MAGI2: variants seen among roughly 807,000 people sequenced by gnomAD.
The protein encoded by MAGI2 is membrane associated guanylate kinase, WW and PDZ domain containing 2, also known as membrane-associated guanylate kinase, WW and PDZ domain-containing protein 2.
Under a neutral mutation model 133.3 loss-of-function variants are expected in MAGI2, and 35 were observed. That is an observed-to-expected ratio of 0.26 (90% CI 0.20 to 0.35). The LOEUF is 0.35. Among genes scored for constraint, MAGI2 ranks in the 10% least tolerant of loss-of-function variants. MAGI2 has a pLI of 1.00. For missense variants in MAGI2, 1,636 were observed against 1,863.4 expected, an observed-to-expected ratio of 0.88 and a Z score of 2.25; for synonymous variants, 729 against 710.6, an observed-to-expected ratio of 1.03 and a Z score of -0.41.
intron 1 of MAGI2, among the ~76,000 whole-genome samples, chr7:79,200,892 GA>G (rs1828552393): frequency 6.6e-6 from 1 of 151,846 alleles, no homozygotes; most frequent in Non-Finnish European, 1.5e-5. Context: ...AGGCAAAATA[GA>G]AGGTGACCAA....
At chr7:79,433,676 G>A (rs748703776) in intron 1 of MAGI2, among the ~76,000 whole-genome samples, 8 of 152,100 alleles carry the variant, frequency 5.3e-5, no homozygotes, top group Non-Finnish European at 8.8e-5. Flanking sequence ...AGCTGGTATT[G>A]CTATTATTAG....
chr7:78,950,585 C>T (rs547460379), intron 2 of MAGI2, among the ~76,000 whole-genome samples: 3 of 152,220 alleles, frequency 2.0e-5, no homozygotes, highest in South Asian at 4.1e-4. Context: ...CTTGTAAATG[C>T]CTATATTTTT....
chr7:78,441,076 T>TCC (rs1787574953), intron 6 of MAGI2, among the ~76,000 whole-genome samples: 1 of 152,210 alleles, frequency 6.6e-6, no homozygotes, highest in Admixed American at 6.5e-5. Flanking sequence ...TACTTGTTAG[T>TCC]CCTCCTCCCC....
At chr7:78,125,258 G>C (rs1366333052) in intron 20 of MAGI2, among the ~76,000 whole-genome samples, 1 of 151,998 alleles carries the variant, frequency 6.6e-6, no homozygotes, top group Non-Finnish European at 1.5e-5. Flanking sequence ...CAAAAGACCA[G>C]TCAACACAAA....
intron 1 of MAGI2, among the ~76,000 whole-genome samples, chr7:79,028,235 G>GTATATATATATATATATATATA (rs1174096501): frequency 3.4e-5 from 1 of 29,322 alleles, no homozygotes; most frequent in Non-Finnish European, 7.8e-5. Flanking sequence ...ATATATGTAT[G>GTATATATATATATATATATATA]TATATATATA....
At chr7:78,844,321 T>A (rs1792399325) in intron 2 of MAGI2, among the ~76,000 whole-genome samples, 1 of 151,534 alleles carries the variant, frequency 6.6e-6, no homozygotes, top group Admixed American at 6.6e-5. Context: ...CCAAGAAAAA[T>A]AAAAACATAT....
At chr7:79,065,266 T>C (rs1438309178) in intron 1 of MAGI2, among the ~76,000 whole-genome samples, 1 of 152,116 alleles carries the variant, frequency 6.6e-6, no homozygotes, top group Non-Finnish European at 1.5e-5. Flanking sequence ...GGTATACACT[T>C]TGGAGACTGT....
chr7:79,373,389 C>G (rs1300147464), intron 1 of MAGI2, among the ~76,000 whole-genome samples: 1 of 151,836 alleles, frequency 6.6e-6, no homozygotes, highest in Non-Finnish European at 1.5e-5. Context: ...CTCTGTTTGA[C>G]CAATACAGTT....
At chr7:78,306,189 C>T (rs1798232206) in intron 9 of MAGI2, among the ~76,000 whole-genome samples, 1 of 152,124 alleles carries the variant, frequency 6.6e-6, no homozygotes, top group African/African-American at 2.4e-5. Flanking sequence ...AATTGAAAGG[C>T]TAATTGGCAG....
intron 5 of MAGI2, among the ~76,000 whole-genome samples, chr7:78,490,922 GA>G (rs1379435340): frequency 1.3e-5 from 2 of 152,102 alleles, no homozygotes; most frequent in Non-Finnish European, 2.9e-5. Context: ...GGAACAGTCA[GA>G]AGGCCAATGA....
chr7:78,173,603 A>C (rs1298931404), intron 14 of MAGI2, among the ~76,000 whole-genome samples: 2 of 152,200 alleles, frequency 1.3e-5, no homozygotes, highest in African/African-American at 4.8e-5. Context: ...TTATAGTTTA[A>C]TGTTATTTGT....
chr7:78,614,715 A>G (rs1806881517), intron 3 of MAGI2: 1 of 152,178 alleles, frequency 6.6e-6, no homozygotes, highest in African/African-American at 2.4e-5. Flanking sequence ...ATTTGAATAT[A>G]TATAATAAAT....
intron 1 of MAGI2, among the ~76,000 whole-genome samples, chr7:79,087,719 G>T (rs1816654700): frequency 6.6e-6 from 1 of 152,054 alleles, no homozygotes; most frequent in South Asian, 2.1e-4. Flanking sequence ...CAAACAGCTA[G>T]CCAGTTTTCC....
At chr7:78,769,211 C>A (rs549983715) in intron 2 of MAGI2, among the ~76,000 whole-genome samples, 1 of 152,008 alleles carries the variant, frequency 6.6e-6, no homozygotes, top group Non-Finnish European at 1.5e-5. Context: ...TGATAAGATA[C>A]AAAAACACAG....
At chr7:79,223,390 T>C (rs932353403) in intron 1 of MAGI2, among the ~76,000 whole-genome samples, 1 of 152,068 alleles carries the variant, frequency 6.6e-6, no homozygotes, top group African/African-American at 2.4e-5. Context: ...ATTATGCATG[T>C]CTAGAGAAAA....
chr7:79,112,363 C>T (rs959716761), intron 1 of MAGI2, among the ~76,000 whole-genome samples: 2 of 152,126 alleles, frequency 1.3e-5, no homozygotes, highest in African/African-American at 4.8e-5. Context: ...CTGGTTTGCC[C>T]TCAGGAGTTA....
chr7:79,303,393 T>A (rs1837530777), intron 1 of MAGI2, among the ~76,000 whole-genome samples: 2 of 152,230 alleles, frequency 1.3e-5, no homozygotes, highest in East Asian at 3.8e-4. Context: ...TACCTTGGGA[T>A]ATTTATCTAA....
chr7:78,039,903 G>GTCT (rs746232539), intron 21 of MAGI2, among the ~76,000 whole-genome samples: 48 of 152,226 alleles, frequency 3.2e-4, no homozygotes, highest in Admixed American at 1.8e-3. Flanking sequence ...TTCTGGCTCA[G>GTCT]TCTTGAAGTC....
rs543403888 is a variant in MAGI2 at position 78,796,614 on chromosome 7, A to C, written c.419-169375T>G. On this transcript the variant is annotated intron_variant, in intron 2 of 21. Transcript: ENST00000354212. ...ACTTTAAAATAGCATATGATCCAGCAATTGCACTGCTGTGTATATATATTC... is the reference window on the plus strand; with the variant it reads ...ACTTTAAAATAGCATATGATCCAGCCATTGCACTGCTGTGTATATATATTC... 5.3e-5 allele frequency among the ~76,000 whole-genome samples: 8 copies of C among 152,272 alleles called. 1 individual carries two copies. The highest frequency in any genetic ancestry group is 4.1e-4 in the South Asian group (2 of 4,832).
Sources: gnomAD v4.1 joint callset for allele counts (sites outside exome capture counted in the v4.1 genomes callset) on GRCh38, gnomAD v4.1.1 for gene constraint, MANE v1.5 for transcripts, NCBI Gene and HGNC (gene_info 2026-07-23, HGNC 2026-07-21) for gene names.